Variants in RELN observed in about 807,000 individuals in gnomAD.
RELN encodes reelin.
Under a neutral mutation model 427.6 loss-of-function variants are expected in RELN, and 108 were observed. That is an observed-to-expected ratio of 0.25 (90% CI 0.22 to 0.30). The LOEUF is 0.30. Among genes scored for constraint, RELN ranks in the 10% least tolerant of loss-of-function variants. The pLI, the probability that RELN is intolerant of heterozygous loss-of-function variation, is 1.00. For synonymous variants in RELN, 1,524 were observed against 1,513.4 expected, an observed-to-expected ratio of 1.01 and a Z score of -0.16; for missense variants, 3,715 against 4,302.8, an observed-to-expected ratio of 0.86 and a Z score of 3.82.
chr7:103,516,411 G>A lies in RELN; in HGVS notation c.7863-970C>T, dbSNP rs140955089. Among the ~76,000 whole-genome samples, 41 of 151,334 alleles carry A rather than the reference G, an allele frequency of 2.7e-4. 1 individual carries two copies. The highest frequency in any genetic ancestry group is 9.5e-4 in the African/African-American group (39 of 41,158). ...AGCAATTCTCCTGCCTCAGCCTCCC[G>A]AGTAGCTGGGATTACAGGCGCGCAT... is the stretch of plus-strand genomic sequence containing the variant. On this transcript the variant is annotated intron_variant, in intron 49 of 64. Transcript: ENST00000428762.
chr7:103,887,403 C>G (rs184134117), intron 2 of RELN, among the ~76,000 whole-genome samples: 2 of 152,220 alleles, frequency 1.3e-5, no homozygotes, highest in Non-Finnish European at 2.9e-5. Flanking sequence ...CACACAAGAT[C>G]AAACCAAAAG....
At chr7:103,943,049 C>T (rs190163725) in intron 1 of RELN, among the ~76,000 whole-genome samples, 9 of 152,266 alleles carry the variant, frequency 5.9e-5, no homozygotes, top group Admixed American at 1.3e-4. Context: ...ACTGTACAGA[C>T]ATAGCCAGAA....
intron 53 of RELN, among the ~76,000 whole-genome samples, chr7:103,499,085 A>AT (rs2117028390): frequency 6.6e-6 from 1 of 152,298 alleles, no homozygotes; most frequent in South Asian, 2.1e-4. Flanking sequence ...GAAGGTCTAC[A>AT]TGGTTAGGCA....
chr7:103,894,190 T>G (rs1405966881), intron 2 of RELN, among the ~76,000 whole-genome samples: 2 of 151,676 alleles, frequency 1.3e-5, no homozygotes, highest in East Asian at 3.8e-4. Context: ...TTTTACCACA[T>G]GTTCTACCAC....
In RELN at chr7:103,551,784, T is replaced by C. The variant is rs114117433; in HGVS notation, c.6073-488A>G. Reference sequence around the variant, plus strand: ...AAAGAGAATACAATCATTGTCATCATTTCCCTGGCACAGGGAAAGATTTTT... The same window carrying C: ...AAAGAGAATACAATCATTGTCATCACTTCCCTGGCACAGGGAAAGATTTTT... On this transcript the variant is annotated intron_variant, in intron 40 of 64. Coordinates refer to ENST00000428762, the MANE Select transcript of RELN (RefSeq NM_005045.4). Among the ~76,000 whole-genome samples, 543 of 152,340 alleles carry C rather than the reference T, an allele frequency of 3.6e-3. 2 individuals are homozygous for C. The highest frequency in any genetic ancestry group is 0.013 in the African/African-American group (526 of 41,576).
intron 1 of RELN, among the ~76,000 whole-genome samples, chr7:103,936,652 C>T (rs1306748857): frequency 1.3e-5 from 2 of 151,080 alleles, no homozygotes; most frequent in African/African-American, 2.4e-5. Context: ...TAACTTTTCC[C>T]TCCCCCAACT....
intron 20 of RELN, among the ~76,000 whole-genome samples, chr7:103,616,676 T>A (rs188548486): frequency 4.1e-4 from 62 of 152,266 alleles, no homozygotes; most frequent in Admixed American, 1.4e-3. Context: ...ATACTTTTTT[T>A]TAAAAAATTA....
At position 103,551,189 on chromosome 7, in the gene RELN, G is replaced by A. The variant is rs753051747; in HGVS notation, c.6180C>T (p.His2060=). Residue 2060 remains histidine (H), a synonymous_variant, in exon 41 of 65, where the codon CAC becomes CAT. Transcript: ENST00000428762. ...TWHLLLPLCY[H]SSSHVSSLCS... ...ATAAAGAGCTGACGTGGCTGCTGCT[G>A]TGGTAGCAGAGGGGCAGCAGAAGGT... The A allele has an allele frequency of 6.2e-7, 1 of 1,614,142 alleles. No individual in the cohort carries two copies. Among genetic ancestry groups the A allele is most frequent in the South Asian group, 1.1e-5 (1 of 91,084 alleles).
In RELN at chr7:103,573,564, T is replaced by G. The variant is rs1429560310; in HGVS notation, c.4511+528A>C. On this transcript the variant is annotated intron_variant, in intron 30 of 64. Coordinates refer to ENST00000428762, the MANE Select transcript of RELN (RefSeq NM_005045.4). This position sits in a 1 kb window ranked among gnomAD's most constrained non-coding sequence, Gnocchi z 4.4. Reference sequence around the variant, plus strand: ...CCTTTCTTCCACTTCTCAAATAATTTAATTGCTCTTTTAAAAAGCAGTTTT... The same window carrying G: ...CCTTTCTTCCACTTCTCAAATAATTGAATTGCTCTTTTAAAAAGCAGTTTT... 6.6e-6 allele frequency among the ~76,000 whole-genome samples: 1 copy of G among 152,252 alleles called. No individual in the cohort carries two copies. The highest frequency in any genetic ancestry group is 2.4e-5 in the African/African-American group (1 of 41,476).
intron 40 of RELN, among the ~76,000 whole-genome samples, 164 bp downstream of exon 40, chr7:103,553,297 A>T (rs534871007): frequency 3.9e-5 from 6 of 152,346 alleles, no homozygotes; most frequent in Admixed American, 3.9e-4. Context: ...TAGTATGACA[A>T]TTGGCTCTGT....
At position 103,503,752 on chromosome 7, in the gene RELN, A is replaced by G. The variant is rs1030232629; in HGVS notation, c.8275-522T>C. Among the ~76,000 whole-genome samples the G allele has an allele frequency of 7.9e-5, 12 of 152,334 alleles. No homozygotes were observed. In the South Asian group the frequency reaches 2.5e-3, roughly 32 times the overall value. On this transcript the variant is annotated intron_variant, in intron 51 of 64. Transcript: ENST00000428762. ...CATGATGTGACACTGCTGTTAATAC[A>G]GTGGGATTTAGGTAGACAGAATAAA... is the stretch of plus-strand genomic sequence containing the variant.
intron 2 of RELN, among the ~76,000 whole-genome samples, chr7:103,851,387 T>C (rs1011542502): frequency 6.6e-6 from 1 of 152,132 alleles, no homozygotes; most frequent in African/African-American, 2.4e-5. Context: ...GTGCAATGTA[T>C]ACTTCTCAGG....
At chr7:103,634,936 G>T (rs1331681374) in intron 19 of RELN, among the ~76,000 whole-genome samples, 1 of 151,774 alleles carries the variant, frequency 6.6e-6, no homozygotes, top group African/African-American at 2.4e-5. Flanking sequence ...TCGGCTCACT[G>T]CAATCTCTGC....
At chr7:103,596,683 C>T (rs1468493280) in intron 24 of RELN, 22 bp from the exon 25 acceptor site, 3 of 1,605,262 alleles carry the variant, frequency 1.9e-6, no homozygotes, top group Non-Finnish European at 2.6e-6. Flanking sequence ...GAAGAAAAAT[C>T]AAATTCAGTA....
chr7:103,712,130 T>C (rs3819453), intron 8 of RELN, among the ~76,000 whole-genome samples: 14,908 of 152,180 alleles, frequency 0.098, 812 homozygotes, highest in East Asian at 0.16. Flanking sequence ...TTAGACTTTA[T>C]AATCTCAAGA....
At chr7:103,983,863 CTGTGTG>C (rs59702742) in intron 1 of RELN, among the ~76,000 whole-genome samples, 7,608 of 148,196 alleles carry the variant, frequency 0.051, 367 homozygotes, top group East Asian at 0.22. Flanking sequence ...CTTCATATTT[CTGTGTG>C]TGTGTGTGTG....
chr7:103,636,479 T>C lies in RELN; in HGVS notation c.2070-11A>G, dbSNP rs536798505. 1.0e-5 allele frequency: 16 copies of C among 1,543,982 alleles called. No homozygotes were observed. The highest frequency in any genetic ancestry group is 1.4e-5 in the African/African-American group (1 of 73,664). The stretch of plus-strand genomic sequence containing the variant: ...AATCCAGGGTCACACCTGAAAGAAA[T>C]ATGGTGAAATTAAATCTTAAACTGT... On this transcript the variant is annotated splice_polypyrimidine_tract_variant and intron_variant, in intron 17 of 64. Transcript: ENST00000428762.
At chr7:103,880,515 C>T (rs1794582777) in intron 2 of RELN, among the ~76,000 whole-genome samples, 1 of 152,118 alleles carries the variant, frequency 6.6e-6, no homozygotes, top group African/African-American at 2.4e-5. Flanking sequence ...CCTTTGTCAT[C>T]ATCATCATTA....
Position 103,983,368 on chromosome 7 carries a change from T to C in RELN, c.226+5763A>G, listed in dbSNP as rs1271279491. Among the ~76,000 whole-genome samples the C allele has an allele frequency of 2.6e-5, 4 of 152,230 alleles. No individual in the cohort carries two copies. The South Asian group carries it at 8.3e-4, about 32-fold the overall frequency. On this transcript the variant is annotated intron_variant, in intron 1 of 64. Coordinates refer to ENST00000428762, the MANE Select transcript of RELN (RefSeq NM_005045.4). ...AGCTCTGCCTTCAATGAGATGGGCA[T>C]GGCAGGTGACTGTGGTGAAAATTAC...
Sources: allele counts gnomAD v4.1 joint callset (sites outside exome capture counted in the v4.1 genomes callset), GRCh38; gene constraint gnomAD v4.1.1; non-coding constraint Gnocchi (gnomAD v3.1); transcripts MANE v1.5; gene names NCBI Gene and HGNC (gene_info 2026-07-23, HGNC 2026-07-21).